The following SCYL3 variants were observed in gnomAD, a reference collection of about 807,000 sequenced individuals.
SCYL3 encodes SCY1 like pseudokinase 3, also known as protein-associating with the carboxyl-terminal domain of ezrin.
Under a neutral mutation model 73.8 loss-of-function variants are expected in SCYL3, and 35 were observed. That is an observed-to-expected ratio of 0.47 (90% CI 0.36 to 0.63). The LOEUF (loss-of-function observed/expected upper bound fraction) is 0.63, where lower values mean the gene tolerates loss of function less well. SCYL3 is among the 20% of genes least tolerant of loss of function. The pLI, the probability that SCYL3 is intolerant of heterozygous loss-of-function variation, is 0.00. For synonymous variants in SCYL3, 277 were observed against 295.2 expected (o/e 0.94, Z 0.63); for missense variants, 712 against 798.9 (o/e 0.89, Z 1.31).
At chr1:169,864,833 G>A (rs1475038524) in intron 8 of SCYL3, among the ~76,000 whole-genome samples, 1 of 152,006 alleles carries the variant, frequency 6.6e-6, no homozygotes, top group African/African-American at 2.4e-5. Context: ...GGTGGCAGAC[G>A]CCTGTAATCC....
At chr1:169,881,316 T>TA (rs1661239706) in intron 2 of SCYL3, among the ~76,000 whole-genome samples, 1 of 152,208 alleles carries the variant, frequency 6.6e-6, no homozygotes, top group Non-Finnish European at 1.5e-5. Flanking sequence ...AAATTGATAA[T>TA]ATGCATATTT....
In SCYL3 at chr1:169,849,694, G is replaced by T; in HGVS notation, c.*4019C>A. Reference sequence around the variant, plus strand: ...ACAATCCCAAAACATTTATTGAACTGCTTCTGTATTGCAATCGGAAAATTG... The same window carrying T: ...ACAATCCCAAAACATTTATTGAACTTCTTCTGTATTGCAATCGGAAAATTG... On this transcript the variant is annotated 3_prime_UTR_variant, in exon 13 of 13. Transcript: ENST00000367771. 2 of 1,017,784 alleles carry T rather than the reference G, an allele frequency of 2.0e-6. No individual in the cohort carries two copies. Among genetic ancestry groups the T allele is most frequent in the Non-Finnish European group, 3.0e-6 (2 of 669,316 alleles). The allele number at this position is 1,017,784 out of a possible 1,614,324, so 63.0% of individuals were successfully genotyped here. A position where few individuals can be genotyped will look rare whatever the true frequency, so the allele number is the denominator to read the frequency against.
chr1:169,884,845 T>A (rs1196399144), intron 2 of SCYL3, among the ~76,000 whole-genome samples: 1 of 152,240 alleles, frequency 6.6e-6, no homozygotes, highest in African/African-American at 2.4e-5. Flanking sequence ...GCAAGAACCT[T>A]ATTTCTCACT....
At chr1:169,865,289 C>G (rs1037671202) in intron 8 of SCYL3, among the ~76,000 whole-genome samples, 1 of 152,158 alleles carries the variant, frequency 6.6e-6, no homozygotes, top group African/African-American at 2.4e-5. Flanking sequence ...TACAATCACC[C>G]TTAGCAGATA....
chr1:169,876,682 G>A (rs971447189), intron 3 of SCYL3, among the ~76,000 whole-genome samples: 3 of 152,150 alleles, frequency 2.0e-5, no homozygotes, highest in Non-Finnish European at 2.9e-5. Context: ...CTGGCCAGGT[G>A]CAGTGGCTCA....
chr1:169,893,111 T>A (rs777804498), intron 1 of SCYL3, among the ~76,000 whole-genome samples: 1 of 152,210 alleles, frequency 6.6e-6, no homozygotes, highest in Non-Finnish European at 1.5e-5. Flanking sequence ...TCAAGATACA[T>A]TTTATAAGAA....
chr1:169,881,191 A>G (rs1571443539), intron 2 of SCYL3, among the ~76,000 whole-genome samples: 1 of 152,384 alleles, frequency 6.6e-6, no homozygotes, highest in East Asian at 1.9e-4. Context: ...TGGTAGGGAT[A>G]GGAGGCTGAA....
chr1:169,886,087 C>T (rs1251288478), intron 2 of SCYL3, among the ~76,000 whole-genome samples: 4 of 152,062 alleles, frequency 2.6e-5, no homozygotes, highest in African/African-American at 9.7e-5. Flanking sequence ...CTGAGGAAGG[C>T]GGATCACGAG....
At chr1:169,884,325 G>T (rs916194818) in intron 2 of SCYL3, among the ~76,000 whole-genome samples, 10 of 151,980 alleles carry the variant, frequency 6.6e-5, no homozygotes, top group Non-Finnish European at 1.5e-4. Context: ...GAGACAGAGT[G>T]TCGCTCTTGT....
At chr1:169,883,371 G>A (rs1351122303) in intron 2 of SCYL3, among the ~76,000 whole-genome samples, 2 of 152,152 alleles carry the variant, frequency 1.3e-5, no homozygotes, top group East Asian at 3.9e-4. Context: ...CTGCAGCCTA[G>A]GGGTTGGGGA....
At position 169,866,841 on chromosome 1, in the gene SCYL3, T is replaced by G. The variant is rs185562083; in HGVS notation, c.815+55A>C. On this transcript the variant is annotated intron_variant, in intron 8 of 12. Coordinates refer to ENST00000367771, the MANE Select transcript of SCYL3 (RefSeq NM_020423.7). Reference sequence around the variant, plus strand: ...ATCTTCTCTAGAATACCTAAAGTGATTATATGGACTTAATCCAAGTTATTC... The same window carrying G: ...ATCTTCTCTAGAATACCTAAAGTGAGTATATGGACTTAATCCAAGTTATTC... 8 of 954,460 alleles carry G rather than the reference T, an allele frequency of 8.4e-6. No homozygotes were observed. The Admixed American group carries it at 1.1e-4, about 13-fold the overall frequency. The allele number at this position is 954,460 out of a possible 1,614,324, so 59.1% of individuals were successfully genotyped here. A position where few individuals can be genotyped will look rare whatever the true frequency, so the allele number is the denominator to read the frequency against.
rs1009788404 is a variant in SCYL3 at position 169,893,328 on chromosome 1, G to A, written c.-51+460C>T. 9.2e-5 allele frequency among the ~76,000 whole-genome samples: 14 copies of A among 152,282 alleles called. No individual in the cohort carries two copies. In the South Asian group the frequency reaches 1.9e-3, roughly 20 times the overall value. On this transcript the variant is annotated intron_variant, in intron 1 of 12. Transcript: ENST00000367771. ...CAAGAATGAGGCCGCCTTCCCGAGGGCGGGCGCGCCCCCAGGATCCCCCCG... is the reference window on the plus strand; with the variant it reads ...CAAGAATGAGGCCGCCTTCCCGAGGACGGGCGCGCCCCCAGGATCCCCCCG...
chr1:169,888,648 A>G (rs1437541862), intron 2 of SCYL3, 28 bp downstream of exon 2: 3 of 1,569,514 alleles, frequency 1.9e-6, no homozygotes, highest in Non-Finnish European at 2.6e-6. Context: ...AAAAGTACTA[A>G]CTATTAAGTC....
chr1:169,864,969 CAAAA>C (rs3062290), intron 8 of SCYL3, among the ~76,000 whole-genome samples: 11 of 132,686 alleles, frequency 8.3e-5, no homozygotes, highest in Non-Finnish European at 6.5e-5. Context: ...GATTCTGTCT[CAAAA>C]AAAAAAAAAA....
At chr1:169,878,608 T>C (rs1661021229) in intron 3 of SCYL3, 26 bp downstream of exon 3, 1 of 1,557,966 alleles carries the variant, frequency 6.4e-7, no homozygotes, top group Non-Finnish European at 8.7e-7. Flanking sequence ...TCAAAGTCTG[T>C]GATGCAGACT....
chr1:169,857,617 A>T (rs950026481), intron 11 of SCYL3, among the ~76,000 whole-genome samples: 7 of 152,242 alleles, frequency 4.6e-5, no homozygotes, highest in African/African-American at 1.7e-4. Flanking sequence ...AATATTAGGT[A>T]GCTTTCAAAG....
chr1:169,882,200 T>A (rs374149725), intron 2 of SCYL3, among the ~76,000 whole-genome samples: 29 of 152,266 alleles, frequency 1.9e-4, no homozygotes, highest in African/African-American at 6.7e-4. Context: ...GGCCCCCCAC[T>A]TGGAGCAGCC....
intron 1 of SCYL3, among the ~76,000 whole-genome samples, chr1:169,889,978 T>A (rs562839416): frequency 6.6e-6 from 1 of 152,208 alleles, no homozygotes; most frequent in African/African-American, 2.4e-5. Flanking sequence ...CTTCCAAATC[T>A]TCTACAATAT....
At position 169,878,626 on chromosome 1, in the gene SCYL3, T is replaced by C. The variant is rs746790278; in HGVS notation, c.351+8A>G. On this transcript the variant is annotated splice_region_variant and intron_variant, in intron 3 of 12. Transcript: ENST00000367771. ...AAGTCTGTGATGCAGACTATACAGGTTACTTACTCTGTCATGAAGGAAGAT... is the reference window on the plus strand; with the variant it reads ...AAGTCTGTGATGCAGACTATACAGGCTACTTACTCTGTCATGAAGGAAGAT... 1.2e-6 allele frequency: 2 copies of C among 1,606,590 alleles called. No homozygotes were observed. Among genetic ancestry groups the C allele is most frequent in the Non-Finnish European group, 1.7e-6 (2 of 1,175,824 alleles).
Sources: gnomAD v4.1 joint callset for allele counts (sites outside exome capture counted in the v4.1 genomes callset) on GRCh38, gnomAD v4.1.1 for gene constraint, MANE v1.5 for transcripts, NCBI Gene and HGNC (gene_info 2026-07-23, HGNC 2026-07-21) for gene names.